Variants in CLSTN2 observed in about 807,000 individuals in gnomAD.
CLSTN2 encodes calsyntenin-2.
A neutral mutation model predicts 101.2 loss-of-function variants in CLSTN2; 48 were observed. The observed-to-expected ratio is 0.47, with a 90% CI of 0.38 to 0.60. The LOEUF is 0.60. CLSTN2 is among the 20% of genes least tolerant of loss of function. CLSTN2 has a pLI of 0.00. For synonymous variants in CLSTN2, 481 were observed against 463.6 expected (o/e 1.04, Z -0.48); for missense variants, 1,160 against 1,238.2 (o/e 0.94, Z 0.95).
chr3:140,174,631 A>G (rs192008317), intron 1 of CLSTN2, among the ~76,000 whole-genome samples: 4 of 152,178 alleles, frequency 2.6e-5, no homozygotes, highest in African/African-American at 4.8e-5. Context: ...CCTGTCTTAC[A>G]TGGATGGCAG....
intron 1 of CLSTN2, among the ~76,000 whole-genome samples, chr3:140,037,271 A>G (rs1576405153): frequency 6.6e-6 from 1 of 152,200 alleles, no homozygotes; most frequent in East Asian, 1.9e-4. Flanking sequence ...AGCAATTTTG[A>G]AGCAACTTTC....
intron 2 of CLSTN2, among the ~76,000 whole-genome samples, chr3:140,378,170 AT>A (rs2087940157): frequency 6.6e-6 from 1 of 152,174 alleles, no homozygotes; most frequent in South Asian, 2.1e-4. Flanking sequence ...ACTTTATGAT[AT>A]TTGCTCAACA....
chr3:140,576,467 T>C lies in CLSTN2; in HGVS notation c.*10214T>C, dbSNP rs1201873492. 2.0e-5 allele frequency: 3 copies of C among 152,278 alleles called. No homozygotes were observed. The allele number at this position is 152,278 out of a possible 1,614,324, so 9.4% of individuals were successfully genotyped here. ...CTGGGTTCAGCCAGTCTAAAAAGTCTAATAATTTCTTCTCTCAGTCCTTCC... is the reference window on the plus strand; with the variant it reads ...CTGGGTTCAGCCAGTCTAAAAAGTCCAATAATTTCTTCTCTCAGTCCTTCC... On this transcript the variant is annotated 3_prime_UTR_variant, in exon 17 of 17. Transcript: ENST00000458420.
chr3:140,318,813 G>A (rs1021329586), intron 2 of CLSTN2, among the ~76,000 whole-genome samples: 3 of 152,160 alleles, frequency 2.0e-5, no homozygotes, highest in Admixed American at 6.5e-5. Flanking sequence ...AAATGTTGAG[G>A]AGGAGTCCAG....
chr3:140,090,472 C>T (rs1168210005), intron 1 of CLSTN2, among the ~76,000 whole-genome samples: 2 of 152,058 alleles, frequency 1.3e-5, no homozygotes, highest in African/African-American at 4.8e-5. Context: ...GAATCTGCTA[C>T]ATTGAAGATC....
intron 2 of CLSTN2, among the ~76,000 whole-genome samples, chr3:140,398,108 T>G (rs893693017): frequency 6.6e-6 from 1 of 152,186 alleles, no homozygotes; most frequent in Admixed American, 6.5e-5. Context: ...TGAATAAACA[T>G]AGTTCATCTG....
intron 5 of CLSTN2, among the ~76,000 whole-genome samples, chr3:140,448,069 G>A (rs899678417): frequency 3.3e-5 from 5 of 152,188 alleles, no homozygotes; most frequent in African/African-American, 1.2e-4. Flanking sequence ...GGGGATGATG[G>A]GGGTTGCCTC....
chr3:140,462,757 G>A (rs908612792), intron 7 of CLSTN2: 4 of 152,142 alleles, frequency 2.6e-5, no homozygotes, highest in African/African-American at 9.7e-5. Context: ...CATGGGTCTG[G>A]AGGGTAGGCA....
At chr3:140,171,877 TATATATATTATATA>T (rs1462370033) in intron 1 of CLSTN2, among the ~76,000 whole-genome samples, 1 of 121,932 alleles carries the variant, frequency 8.2e-6, no homozygotes, top group African/African-American at 3.3e-5. Flanking sequence ...CAATATATAA[TATATATATTATATA>T]ATATATATTA....
intron 8 of CLSTN2, among the ~76,000 whole-genome samples, chr3:140,498,217 G>A (rs181311888): frequency 3.4e-4 from 52 of 152,326 alleles, no homozygotes; most frequent in Admixed American, 2.7e-3. Flanking sequence ...AAGAGAAAGA[G>A]AGAAGAGTTT....
chr3:140,106,807 TATTAA>T (rs887450367), intron 1 of CLSTN2, among the ~76,000 whole-genome samples: 2 of 152,186 alleles, frequency 1.3e-5, no homozygotes, highest in African/African-American at 2.4e-5. Flanking sequence ...TTAAGAAAAA[TATTAA>T]ATTATAAAAG....
intron 1 of CLSTN2, among the ~76,000 whole-genome samples, chr3:140,124,929 G>T (rs185505192): frequency 2.0e-5 from 3 of 152,306 alleles, no homozygotes; most frequent in Non-Finnish European, 4.4e-5. Flanking sequence ...GGAGACAGGG[G>T]CTAGGGCCAT....
At chr3:140,268,897 A>T (rs1244274819) in intron 2 of CLSTN2, among the ~76,000 whole-genome samples, 1 of 152,178 alleles carries the variant, frequency 6.6e-6, no homozygotes, top group Non-Finnish European at 1.5e-5. Context: ...GATTGCTGTG[A>T]TCGGCAATCA....
chr3:139,942,326 C>A (rs1294839370), intron 1 of CLSTN2, among the ~76,000 whole-genome samples: 1 of 152,116 alleles, frequency 6.6e-6, no homozygotes, highest in Non-Finnish European at 1.5e-5. Context: ...TGGCCTCAAG[C>A]AGAGGAGGCA....
chr3:140,008,728 A>G (rs2007011621), intron 1 of CLSTN2, among the ~76,000 whole-genome samples: 1 of 152,220 alleles, frequency 6.6e-6, no homozygotes, highest in Non-Finnish European at 1.5e-5. Flanking sequence ...TTGACTCCAG[A>G]AGGCCATCAA....
chr3:140,027,411 T>G (rs1251217848), intron 1 of CLSTN2, among the ~76,000 whole-genome samples: 1 of 152,014 alleles, frequency 6.6e-6, no homozygotes, highest in Non-Finnish European at 1.5e-5. Context: ...CCCAAACCAA[T>G]GAATGCCAAG....
chr3:140,191,120 A>T (rs2010560626), intron 2 of CLSTN2, among the ~76,000 whole-genome samples: 1 of 152,072 alleles, frequency 6.6e-6, no homozygotes, highest in Non-Finnish European at 1.5e-5. Flanking sequence ...TTTTTTTAAA[A>T]AGTATAAATG....
intron 1 of CLSTN2, among the ~76,000 whole-genome samples, chr3:140,074,447 G>A (rs749711161): frequency 2.6e-5 from 4 of 152,178 alleles, no homozygotes; most frequent in Non-Finnish European, 5.9e-5. Context: ...CTTAATAAAT[G>A]ACTGCCGAGC....
chr3:140,321,077 G>A (rs932652991), intron 2 of CLSTN2, among the ~76,000 whole-genome samples: 2 of 152,188 alleles, frequency 1.3e-5, no homozygotes, highest in Non-Finnish European at 2.9e-5. Flanking sequence ...TGACGGGCTT[G>A]GTTATGAAAG....
Sources: allele counts gnomAD v4.1 joint callset (sites outside exome capture counted in the v4.1 genomes callset), GRCh38; gene constraint gnomAD v4.1.1; transcripts MANE v1.5; gene names NCBI Gene and HGNC (gene_info 2026-07-23, HGNC 2026-07-21).